Variants in ACTN2 observed in about 807,000 individuals in gnomAD.
ACTN2 encodes alpha-actinin-2.
A neutral mutation model predicts 113.8 loss-of-function variants in ACTN2; 39 were observed. The observed-to-expected ratio is 0.34, with a 90% CI of 0.27 to 0.45. The LOEUF (loss-of-function observed/expected upper bound fraction) is 0.45. Among genes scored for constraint, ACTN2 ranks in the 20% least tolerant of loss-of-function variants. The pLI is 1.00. For missense variants in ACTN2, 992 were observed against 1,177.9 expected, an observed-to-expected ratio of 0.84 and a Z score of 2.31; for synonymous variants, 429 against 444.1, an observed-to-expected ratio of 0.97 and a Z score of 0.43.
At chr1:236,741,988 C>G (rs576558388) in intron 10 of ACTN2, among the ~76,000 whole-genome samples, 10 of 152,298 alleles carry the variant, frequency 6.6e-5, no homozygotes, top group South Asian at 6.2e-4. Flanking sequence ...TTCCCGCACG[C>G]ACAGCACATC....
In ACTN2 at chr1:236,727,568, C is replaced by T. The variant is rs1658589703; in HGVS notation, c.537-110C>T. 4 of 1,125,856 alleles carry T rather than the reference C, an allele frequency of 3.6e-6. No homozygotes were observed. In the South Asian group the frequency reaches 5.1e-5, roughly 14 times the overall value. 69.7% of individuals were successfully genotyped at this position (1,125,856 alleles called of 1,614,324 possible). ...TAAAGAGGAAGCTACATGGGGCCCT[C>T]CGTGCATGAAGTCAGACAGAAGGAA... On this transcript the variant is annotated intron_variant, in intron 5 of 20. Transcript: ENST00000366578.
intron 18 of ACTN2, among the ~76,000 whole-genome samples, chr1:236,758,832 G>A (rs1572150158): frequency 6.6e-6 from 1 of 151,910 alleles, no homozygotes; most frequent in African/African-American, 2.4e-5. Context: ...TGTTGGCCAG[G>A]CTGGTCTTGA....
chr1:236,751,521 G>A lies in ACTN2; in HGVS notation c.1708G>A (p.Gly570Arg), dbSNP rs373132971. 38 of 1,614,090 alleles carry A rather than the reference G, an allele frequency of 2.4e-5. 1 individual carries two copies. Among genetic ancestry groups the A allele is most frequent in the South Asian group, 2.2e-4 (20 of 91,072 alleles). ...CAAGGCCACGCTGCCCGAGGCGGAC[G>A]GAGAGCGGCAGTCCATCATGGCCAT... ...QFKATLPEAD[G>R]ERQSIMAIQN... Residue 570 changes from glycine (G) to arginine (R), a missense_variant, in exon 15 of 21, where the codon GGA becomes AGA. Gly to Arg is a moderately radical substitution (Grantham distance 125). Around this residue, in one of 3 missense-constraint regions of ACTN2, gnomAD observed 736 missense variants for 815.4 expected, o/e 0.90. Coordinates refer to ENST00000366578, the MANE Select transcript of ACTN2 (RefSeq NM_001103.4).
intron 13 of ACTN2, 83 bp from the exon 14 acceptor site, chr1:236,749,041 C>A: frequency 7.0e-7 from 1 of 1,430,430 alleles, no homozygotes; most frequent in Non-Finnish European, 9.8e-7. Context: ...AGAGAATAGT[C>A]TGTTCTTATG....
chr1:236,688,437 A>G (rs1179701484), intron 1 of ACTN2, among the ~76,000 whole-genome samples: 1 of 152,034 alleles, frequency 6.6e-6, no homozygotes, highest in Non-Finnish European at 1.5e-5. Flanking sequence ...TCCAGAGGCC[A>G]CATTGACATC....
intron 1 of ACTN2, among the ~76,000 whole-genome samples, chr1:236,695,247 G>A (rs990572952): frequency 4.0e-5 from 6 of 149,064 alleles, no homozygotes; most frequent in African/African-American, 1.5e-4. Context: ...GTATGGTGAT[G>A]TCTGCCCATA....
rs552068155 is a variant in ACTN2, at chr1:236,741,169, T to G, written c.1107+1637T>G. ...AAGTGATCCTCCCACCTCAACATCC[T>G]GAGTAGCTGGGACTACACGCACATC... On this transcript the variant is annotated intron_variant, in intron 10 of 20. Coordinates refer to ENST00000366578, the MANE Select transcript of ACTN2 (RefSeq NM_001103.4). Among the ~76,000 whole-genome samples the G allele has an allele frequency of 1.4e-4, 22 of 152,062 alleles. 1 individual carries two copies. The East Asian group carries it at 4.3e-3, about 29-fold the overall frequency.
intron 14 of ACTN2, among the ~76,000 whole-genome samples, chr1:236,749,762 T>C (rs796998631): frequency 2.6e-5 from 4 of 152,216 alleles, no homozygotes; most frequent in African/African-American, 9.6e-5. Flanking sequence ...GATCACGCCA[T>C]TGGACTCCAT....
At position 236,739,355 on chromosome 1, in the gene ACTN2, G is replaced by A. The variant is rs1658997403; in HGVS notation, c.930G>A (p.Glu310=). The change falls in exon 10 of 21, where the codon GAG becomes GAA. Residue 310 remains glutamate, a synonymous_variant. Transcript: ENST00000366578. ...TIPWLENRTP[E]KTMQAMQKKL... ...CCTGGCTGGAGAACCGGACTCCCGA[G>A]AAGACCATGCAAGCCATGCAGAAGA... 1 of 1,614,136 alleles carries A rather than the reference G, an allele frequency of 6.2e-7. No individual in the cohort carries two copies. Among genetic ancestry groups the A allele is most frequent in the South Asian group, 1.1e-5 (1 of 91,072 alleles).
intron 7 of ACTN2, among the ~76,000 whole-genome samples, chr1:236,733,930 TTA>T (rs1658787290): frequency 6.6e-6 from 1 of 152,226 alleles, no homozygotes; most frequent in African/African-American, 2.4e-5. Context: ...CTTCCTAAAC[TTA>T]TCTACTGTGC....
chr1:236,742,544 AC>A (rs67988163), intron 10 of ACTN2, among the ~76,000 whole-genome samples: 5,109 of 152,156 alleles, frequency 0.034, 120 homozygotes, highest in South Asian at 0.098. Context: ...TTAAAAAAAA[AC>A]AAAACAATAA....
intron 12 of ACTN2, among the ~76,000 whole-genome samples, chr1:236,745,327 G>A (rs11811089): frequency 0.023 from 3,501 of 152,228 alleles, 66 homozygotes; most frequent in Non-Finnish European, 0.038. Flanking sequence ...CCAGCTGCTC[G>A]GGAGGCTGAG....
At chr1:236,740,526 C>CATTTTTATTTTT (rs3053502) in intron 10 of ACTN2, among the ~76,000 whole-genome samples, 11 of 150,480 alleles carry the variant, frequency 7.3e-5, no homozygotes, top group East Asian at 6.0e-4. Flanking sequence ...CAGAGCAAGT[C>CATTTTTATTTTT]ATTTTTATTT....
intron 1 of ACTN2, among the ~76,000 whole-genome samples, chr1:236,704,694 A>G (rs537827564): frequency 1.3e-5 from 2 of 152,298 alleles, no homozygotes; most frequent in South Asian, 4.1e-4. Flanking sequence ...AAAGGGGTGC[A>G]TAGCTTCTAT....
chr1:236,721,370 A>C (rs1658390873), intron 4 of ACTN2, among the ~76,000 whole-genome samples: 3 of 152,018 alleles, frequency 2.0e-5, no homozygotes, highest in African/African-American at 7.3e-5. Flanking sequence ...AAGAAACAAC[A>C]CTTTGCCTAC....
chr1:236,715,210 G>C (rs554629990), intron 1 of ACTN2, among the ~76,000 whole-genome samples: 5 of 150,738 alleles, frequency 3.3e-5, no homozygotes, highest in Non-Finnish European at 5.9e-5. Flanking sequence ...ACAACGTGTA[G>C]GTTTGTTACA....
rs1326717724 is a variant in ACTN2 at position 236,754,112 on chromosome 1, C to T, written c.1974+31C>T. 6.2e-7 allele frequency: 1 copy of T among 1,612,026 alleles called. No homozygotes were observed. ...CCAGCGCCCTCCCAGGCGCTGTTCA[C>T]AAGCCTTGCGATAAGTCCCTTTAGC... On this transcript the variant is annotated intron_variant, in intron 16 of 20. Coordinates refer to ENST00000366578, the MANE Select transcript of ACTN2 (RefSeq NM_001103.4). This position sits in a 1 kb window ranked among gnomAD's most constrained non-coding sequence, Gnocchi z 4.9.
intron 1 of ACTN2, among the ~76,000 whole-genome samples, chr1:236,688,409 A>G (rs1188829001): frequency 6.6e-6 from 1 of 151,754 alleles, no homozygotes; most frequent in African/African-American, 2.4e-5. Flanking sequence ...CAGTAGCAGG[A>G]TAGAGGTAAT....
rs192187213 is a variant in ACTN2 at position 236,692,647 on chromosome 1, C to T, written c.126+5848C>T. Among the ~76,000 whole-genome samples, 190 of 152,242 alleles carry T rather than the reference C, an allele frequency of 1.2e-3. 1 individual carries two copies. The highest frequency in any genetic ancestry group is 4.3e-3 in the African/African-American group (177 of 41,530). On this transcript the variant is annotated intron_variant, in intron 1 of 20. Transcript: ENST00000366578. ...TAATAAATATACATGTGGTTTGCTA[C>T]GGAGAATCACAGGTGCAGGAGTTCT...
Sources: allele counts gnomAD v4.1 joint callset (sites outside exome capture counted in the v4.1 genomes callset), GRCh38; gene constraint gnomAD v4.1.1; regional missense constraint gnomAD v4.1.1; non-coding constraint Gnocchi (gnomAD v3.1); transcripts MANE v1.5; gene names NCBI Gene and HGNC (gene_info 2026-07-23, HGNC 2026-07-21).